Variants in DLG2 observed in about 807,000 individuals in gnomAD.
DLG2 encodes disks large homolog 2.
DLG2 carries 45 observed loss-of-function variants against 132.5 expected under a neutral mutation model. That is an observed-to-expected ratio of 0.34 (90% CI 0.27 to 0.44). The LOEUF is 0.44. Among genes scored for constraint, DLG2 ranks in the 20% least tolerant of loss-of-function variants. The probability of loss-of-function intolerance (pLI) is 1.00; values close to 1 mark genes in which losing one functional copy is unlikely to be tolerated. For synonymous variants in DLG2, 424 were observed against 419.6 expected (o/e 1.01, Z -0.13); for missense variants, 1,045 against 1,196.9 (o/e 0.87, Z 1.87).
chr11:84,817,478 A>G (rs1342060535), intron 6 of DLG2, among the ~76,000 whole-genome samples: 1 of 151,984 alleles, frequency 6.6e-6, no homozygotes, highest in Non-Finnish European at 1.5e-5. Context: ...CAAGTGATAC[A>G]CATTCTTAAG....
At chr11:83,464,873 A>G (rs1242557127) in intron 26 of DLG2, among the ~76,000 whole-genome samples, 1 of 152,240 alleles carries the variant, frequency 6.6e-6, no homozygotes, top group African/African-American at 2.4e-5. Context: ...GGCTGTTCCC[A>G]GGAAGTAAGG....
At chr11:84,335,401 C>G (rs746002139) in intron 7 of DLG2, among the ~76,000 whole-genome samples, 2 of 152,148 alleles carry the variant, frequency 1.3e-5, no homozygotes, top group Non-Finnish European at 2.9e-5. Context: ...CACAACGACT[C>G]TCTGATTTTG....
At chr11:84,494,499 A>T (rs1336348636) in intron 7 of DLG2, among the ~76,000 whole-genome samples, 1 of 152,176 alleles carries the variant, frequency 6.6e-6, no homozygotes, top group African/African-American at 2.4e-5. Flanking sequence ...GAGCATGTTC[A>T]TGAAAACTGA....
chr11:85,243,970 C>T (rs2076015957), intron 4 of DLG2, among the ~76,000 whole-genome samples: 1 of 151,896 alleles, frequency 6.6e-6, no homozygotes, highest in African/African-American at 2.4e-5. Flanking sequence ...TTATTATCAT[C>T]TCCTTAGAGT....
intron 7 of DLG2, among the ~76,000 whole-genome samples, chr11:84,303,518 C>T (rs997843309): frequency 4.6e-5 from 7 of 152,118 alleles, no homozygotes; most frequent in African/African-American, 7.2e-5. Context: ...AAATGTATTT[C>T]GTGACATTAT....
chr11:85,583,404 C>G (rs2078752281), intron 3 of DLG2, among the ~76,000 whole-genome samples: 1 of 151,096 alleles, frequency 6.6e-6, no homozygotes, highest in Non-Finnish European at 1.5e-5. Context: ...CCAGGTTGGT[C>G]TTAAACTCCT....
At chr11:85,084,621 G>C (rs1355028481) in intron 6 of DLG2, among the ~76,000 whole-genome samples, 1 of 152,112 alleles carries the variant, frequency 6.6e-6, no homozygotes, top group East Asian at 1.9e-4. Flanking sequence ...AGATGTTACT[G>C]GCTAATCCAA....
intron 6 of DLG2, among the ~76,000 whole-genome samples, chr11:85,096,478 G>A (rs535289747): frequency 2.0e-4 from 31 of 151,618 alleles, no homozygotes; most frequent in East Asian, 3.9e-4. Context: ...TGAAGTCACC[G>A]AGACCACAAA....
Position 84,992,839 on chromosome 11 carries a change from T to C in DLG2, c.357+118822A>G, listed in dbSNP as rs111264329. Among the ~76,000 whole-genome samples the C allele has an allele frequency of 4.6e-3, 698 of 152,276 alleles. 6 individuals carry two copies. The highest frequency in any genetic ancestry group is 0.016 in the African/African-American group (654 of 41,558). On this transcript the variant is annotated intron_variant, in intron 6 of 27. Transcript: ENST00000376104. ...CAAAAATTTTCTCCCATTCTGTAGG[T>C]TGTCTGTCATTGTGGAAGACAGTGT... is the stretch of plus-strand genomic sequence containing the variant.
chr11:84,109,892 C>T (rs1349437438), intron 9 of DLG2, among the ~76,000 whole-genome samples: 2 of 152,162 alleles, frequency 1.3e-5, no homozygotes, highest in South Asian at 4.1e-4. Context: ...ATCCTTGACT[C>T]CTGCCTCCCC....
At position 84,780,113 on chromosome 11, in the gene DLG2, G is replaced by A. The variant is rs529804452; in HGVS notation, c.358-245382C>T. On this transcript the variant is annotated intron_variant, in intron 6 of 27. Transcript: ENST00000376104. Reference sequence around the variant, plus strand: ...AAAATTATAAACCAATTTTCCTAATGAACAAAGATGCAAAAATCTTTGTTC... The same window carrying A: ...AAAATTATAAACCAATTTTCCTAATAAACAAAGATGCAAAAATCTTTGTTC... 1.6e-3 allele frequency among the ~76,000 whole-genome samples: 240 copies of A among 152,048 alleles called. 1 individual carries two copies. The highest frequency in any genetic ancestry group is 3.1e-3 in the Non-Finnish European group (208 of 67,962).
Position 84,138,863 on chromosome 11 carries a change from T to C in DLG2, c.624+24598A>G, listed in dbSNP as rs1374922255. ...ACTGGGGAGGCTGAGGCAGGAGAAT[T>C]GCTTGAACCCAAGAGGGGGAAGTTG... On this transcript the variant is annotated intron_variant, in intron 9 of 27. Coordinates refer to ENST00000376104, the MANE Select transcript of DLG2 (RefSeq NM_001142699.3). Among the ~76,000 whole-genome samples, 7 of 150,572 alleles carry C rather than the reference T, an allele frequency of 4.6e-5. No homozygotes were observed. The Admixed American group carries it at 4.7e-4, about 10-fold the overall frequency.
chr11:83,628,128 G>T (rs1214161457), intron 19 of DLG2, among the ~76,000 whole-genome samples: 1 of 152,156 alleles, frequency 6.6e-6, no homozygotes, highest in Non-Finnish European at 1.5e-5. Context: ...TTTGTCAGAT[G>T]AGTAGGTTGC....
intron 7 of DLG2, among the ~76,000 whole-genome samples, chr11:84,309,997 T>C (rs2098270733): frequency 1.3e-5 from 2 of 152,152 alleles, no homozygotes; most frequent in East Asian, 3.9e-4. Context: ...ATCTACATAG[T>C]TCTTAACCAT....
At chr11:84,762,550 G>T (rs552369850) in intron 6 of DLG2, among the ~76,000 whole-genome samples, 1 of 152,170 alleles carries the variant, frequency 6.6e-6, no homozygotes, top group South Asian at 2.1e-4. Flanking sequence ...ATAGTTTTTT[G>T]CTTTGTTTCA....
At chr11:83,493,112 C>A in intron 21 of DLG2, among the ~76,000 whole-genome samples, 1 of 152,046 alleles carries the variant, frequency 6.6e-6, no homozygotes, top group Non-Finnish European at 1.5e-5. Context: ...GGCCTTGTTG[C>A]TTTTCCTTGA....
intron 6 of DLG2, among the ~76,000 whole-genome samples, chr11:84,921,172 C>A (rs1202311212): frequency 2.0e-5 from 3 of 151,744 alleles, no homozygotes; most frequent in Admixed American, 1.3e-4. Context: ...AATAATAGAC[C>A]GCAAATGAAC....
chr11:84,910,927 T>C (rs1018903347), intron 6 of DLG2, among the ~76,000 whole-genome samples: 2 of 152,062 alleles, frequency 1.3e-5, no homozygotes, highest in African/African-American at 4.8e-5. Flanking sequence ...GTAATAAATG[T>C]ATAGAAAACA....
intron 16 of DLG2, among the ~76,000 whole-genome samples, chr11:83,834,928 C>G (rs1159079604): frequency 6.6e-6 from 1 of 152,162 alleles, no homozygotes; most frequent in Admixed American, 6.5e-5. Flanking sequence ...TTTTCCAGCT[C>G]TTAATGATGT....
Sources: allele counts gnomAD v4.1 joint callset (sites outside exome capture counted in the v4.1 genomes callset), GRCh38; gene constraint gnomAD v4.1.1; transcripts MANE v1.5; gene names NCBI Gene and HGNC (gene_info 2026-07-23, HGNC 2026-07-21).